The following CIB1 variants were observed in gnomAD, a reference collection of about 807,000 sequenced individuals.
CIB1 encodes calcium and integrin binding 1.
In CIB1, 19 loss-of-function variants were observed where a neutral mutation model predicts 25.0. The observed-to-expected ratio is 0.76, with a 90% CI of 0.53 to 1.12. The LOEUF is 1.12. CIB1 is among the 50% of genes most tolerant of loss of function. The pLI is 0.00. For synonymous variants in CIB1, 104 were observed against 98.5 expected (o/e 1.06, Z -0.33); for missense variants, 236 against 242.6 (o/e 0.97, Z 0.18).
the CIB1 span, chr15:90,253,488 A>C: frequency 1.8e-6 from 1 of 567,842 alleles, no homozygotes; most frequent in Non-Finnish European, 3.1e-6. Context: ...GCAGACAAGA[A>C]AGACCACCCC....
chr15:90,232,334 G>T lies in CIB1; in HGVS notation c.87-7C>A. On this transcript the variant is annotated splice_polypyrimidine_tract_variant and splice_region_variant and intron_variant, in intron 2 of 6. Transcript: ENST00000328649. ...ACAAAACCGCCTGTGGGCTCTGGTAGAGAGAGGGGAACTGTCGGTGTTCTC... is the reference window on the plus strand; with the variant it reads ...ACAAAACCGCCTGTGGGCTCTGGTATAGAGAGGGGAACTGTCGGTGTTCTC... The T allele has an allele frequency of 6.3e-7, 1 of 1,599,260 alleles. No individual in the cohort carries two copies. The highest frequency in any genetic ancestry group is 8.5e-7 in the Non-Finnish European group (1 of 1,169,840).
At chr15:90,252,934 C>T in the CIB1 span, among the ~76,000 whole-genome samples, 15 of 152,034 alleles carry the variant, frequency 9.9e-5, no homozygotes, top group Admixed American at 4.6e-4. Flanking sequence ...ACCTGGGAGG[C>T]GGAGGTTGCA....
the CIB1 span, among the ~76,000 whole-genome samples, chr15:90,253,046 G>A: frequency 1.3e-5 from 2 of 152,128 alleles, no homozygotes; most frequent in African/African-American, 4.8e-5. Context: ...AGTTTTCTCT[G>A]CTAGGTATTT....
the CIB1 span, chr15:90,258,165 C>G: frequency 6.2e-7 from 1 of 1,614,228 alleles, no homozygotes; most frequent in South Asian, 1.1e-5. Context: ...CCACAACTAC[C>G]GAACCTGTTT....
At chr15:90,250,392 G>A in the CIB1 span, among the ~76,000 whole-genome samples, 4 of 152,142 alleles carry the variant, frequency 2.6e-5, no homozygotes, top group African/African-American at 9.7e-5. Context: ...TGGATGATTG[G>A]GGCTTGTCAT....
chr15:90,257,021 CTATTTTACA>C, the CIB1 span: 1 of 1,020,236 alleles, frequency 9.8e-7, no homozygotes, highest in Non-Finnish European at 1.4e-6. Flanking sequence ...ATAACAGTAA[CTATTTTACA>C]TGGTTATTGT....
the CIB1 span, chr15:90,240,822 A>T: frequency 1.0e-6 from 1 of 954,092 alleles, no homozygotes; most frequent in Non-Finnish European, 1.6e-6. Flanking sequence ...TCAAAAAAAA[A>T]AATAAATAAA....
the CIB1 span, chr15:90,258,814 T>C: frequency 1.2e-6 from 2 of 1,614,188 alleles, no homozygotes; most frequent in South Asian, 1.1e-5. Flanking sequence ...TTCTCTGTGA[T>C]GCTATGACCC....
the CIB1 span, chr15:90,255,863 C>A: frequency 6.2e-7 from 1 of 1,614,196 alleles, no homozygotes. Flanking sequence ...CATCTTCCCC[C>A]GCACCTGGTG....
At chr15:90,258,950 GT>G in the CIB1 span, 2 of 1,614,060 alleles carry the variant, frequency 1.2e-6, no homozygotes, top group Non-Finnish European at 1.7e-6. Context: ...TCTGGCATGT[GT>G]TTAGTTCTTC....
At chr15:90,263,483 C>T in the CIB1 span, 3 of 495,220 alleles carry the variant, frequency 6.1e-6, no homozygotes, top group African/African-American at 5.7e-5. Context: ...GTATAATTTT[C>T]TCCCTAGCAC....
At position 90,230,105 on chromosome 15, in the gene CIB1, T is replaced by C. The variant is rs1392389127; in HGVS notation, c.*379A>G. ...CTGCTGCCCCTTCATCCTCACACCC[T>C]CCCACGGGGACAGCCAGCGTGGGTG... On this transcript the variant is annotated 3_prime_UTR_variant, in exon 7 of 7. Coordinates refer to ENST00000328649, the MANE Select transcript of CIB1 (RefSeq NM_006384.4). 1 of 288,580 alleles carries C rather than the reference T, an allele frequency of 3.5e-6. No homozygotes were observed. Among genetic ancestry groups the C allele is most frequent in the Non-Finnish European group, 6.6e-6 (1 of 150,464 alleles). 17.9% of individuals were successfully genotyped at this position (288,580 alleles called of 1,614,324 possible).
At position 90,232,366 on chromosome 15, in the gene CIB1, C is replaced by T. The variant is rs756243511; in HGVS notation, c.87-39G>A. 33 of 1,571,478 alleles carry T rather than the reference C, an allele frequency of 2.1e-5. No individual in the cohort carries two copies. In the East Asian group the frequency reaches 5.0e-4, roughly 24 times the overall value. On this transcript the variant is annotated intron_variant, in intron 2 of 6. Transcript: ENST00000328649. ...GGGAACTGTCGGTGTTCTCAGCGAT[C>T]GGTCTCCCTGTGTGTTCATTCCCAC...
At chr15:90,233,574 C>T in intron 2 of CIB1, 95 bp downstream of exon 2, 2 of 1,474,724 alleles carry the variant, frequency 1.4e-6, no homozygotes, top group Non-Finnish European at 1.9e-6. Flanking sequence ...CTCTGCAGAC[C>T]TCAGGCCAGC....
At chr15:90,257,989 G>C in the CIB1 span, 7 of 1,566,100 alleles carry the variant, frequency 4.5e-6, no homozygotes, top group Non-Finnish European at 6.1e-6. Flanking sequence ...CCTACAGCCT[G>C]GCCCAGTGGC....
At chr15:90,247,181 G>GGCCA in the CIB1 span, among the ~76,000 whole-genome samples, 1 of 151,378 alleles carries the variant, frequency 6.6e-6, no homozygotes, top group Non-Finnish European at 1.5e-5. Context: ...TCACCATATT[G>GGCCA]GCCAGGCTGG....
the CIB1 span, chr15:90,241,800 G>C: frequency 1.9e-6 from 3 of 1,614,230 alleles, no homozygotes; most frequent in South Asian, 3.3e-5. Flanking sequence ...AGCTCCGCCG[G>C]GAAAGACATC....
the CIB1 span, chr15:90,262,437 C>A: frequency 2.1e-6 from 3 of 1,428,976 alleles, no homozygotes; most frequent in Non-Finnish European, 2.7e-6. Context: ...TTTTCCTCAC[C>A]CCTCTTCTCC....
the CIB1 span, among the ~76,000 whole-genome samples, chr15:90,239,978 C>T: frequency 7.2e-5 from 11 of 152,020 alleles, no homozygotes; most frequent in African/African-American, 2.7e-4. Context: ...AATCCCAGCA[C>T]TTTGGGAAGC....
Sources: gnomAD v4.1 joint callset for allele counts (sites outside exome capture counted in the v4.1 genomes callset) on GRCh38, gnomAD v4.1.1 for gene constraint, MANE v1.5 for transcripts, NCBI Gene and HGNC (gene_info 2026-07-23, HGNC 2026-07-21) for gene names.